RANBP17: variants seen among roughly 807,000 people sequenced by gnomAD.
The protein encoded by RANBP17 is ran-binding protein 17.
In RANBP17, 158 loss-of-function variants were observed where a neutral mutation model predicts 141.2. The observed-to-expected ratio is 1.12, with a 90% CI of 0.98 to 1.28. The LOEUF is 1.28. Ranked by LOEUF, RANBP17 falls within the 50% of genes most tolerant of loss-of-function variation. The pLI, the probability that RANBP17 is intolerant of heterozygous loss-of-function variation, is 0.00. For synonymous variants in RANBP17, 430 were observed against 450.0 expected (o/e 0.96, Z 0.56); for missense variants, 1,438 against 1,290.7 (o/e 1.11, Z -1.75).
rs1323194754 is a variant in RANBP17 at position 171,064,058 on chromosome 5, T to C, written c.1710+95681T>C. Among the ~76,000 whole-genome samples the C allele has an allele frequency of 2.6e-5, 4 of 152,368 alleles. No homozygotes were observed. The East Asian group carries it at 7.7e-4, about 29-fold the overall frequency. ...GGGAGTGACCCGATTTTCCAGGTGC[T>C]GTTTGTCACCCCTTTCTTTGACTAG... On this transcript the variant is annotated intron_variant, in intron 14 of 27. Transcript: ENST00000523189.
intron 13 of RANBP17, among the ~76,000 whole-genome samples, chr5:170,963,269 T>C (rs933469347): frequency 5.3e-5 from 8 of 152,148 alleles, no homozygotes; most frequent in Non-Finnish European, 8.8e-5. Flanking sequence ...AGCAACTGGG[T>C]AGGCATCTTT....
At chr5:171,268,428 C>T (rs773263756) in intron 25 of RANBP17, among the ~76,000 whole-genome samples, 13 of 152,182 alleles carry the variant, frequency 8.5e-5, no homozygotes, top group Middle Eastern at 3.4e-3. Context: ...GACTGAAAAG[C>T]GCAAGTTCTT....
At chr5:171,193,444 G>T (rs778674985) in intron 18 of RANBP17, among the ~76,000 whole-genome samples, 3 of 151,972 alleles carry the variant, frequency 2.0e-5, no homozygotes, top group Non-Finnish European at 2.9e-5. Context: ...AAAATGGGGG[G>T]TGGGGGTGGT....
chr5:171,176,546 G>C (rs1760494017), intron 16 of RANBP17, among the ~76,000 whole-genome samples: 1 of 152,158 alleles, frequency 6.6e-6, no homozygotes, highest in Non-Finnish European at 1.5e-5. Flanking sequence ...AATTGACACT[G>C]ATTGCAAACT....
At chr5:171,197,814 G>A (rs1170399196) in intron 18 of RANBP17, among the ~76,000 whole-genome samples, 6 of 152,132 alleles carry the variant, frequency 3.9e-5, no homozygotes, top group Non-Finnish European at 2.9e-5. Flanking sequence ...CGAGGCGGGC[G>A]GATCACGAGG....
chr5:171,027,594 A>G (rs1049916744), intron 14 of RANBP17, among the ~76,000 whole-genome samples: 1 of 152,022 alleles, frequency 6.6e-6, no homozygotes, highest in East Asian at 1.9e-4. Context: ...GGATCATATT[A>G]TAATTAATAA....
At chr5:171,090,187 C>A (rs1786131610) in intron 14 of RANBP17, among the ~76,000 whole-genome samples, 1 of 152,112 alleles carries the variant, frequency 6.6e-6, no homozygotes, top group South Asian at 2.1e-4. Context: ...ATGGCTTTGA[C>A]CAAAATGCTG....
intron 14 of RANBP17, among the ~76,000 whole-genome samples, chr5:171,158,073 T>C (rs1759031478): frequency 6.6e-6 from 1 of 152,254 alleles, no homozygotes; most frequent in South Asian, 2.1e-4. Context: ...TGAACAATTA[T>C]CTTATTTCTG....
chr5:171,046,254 G>T (rs1176740786), intron 14 of RANBP17, among the ~76,000 whole-genome samples: 1 of 148,806 alleles, frequency 6.7e-6, no homozygotes, highest in Non-Finnish European at 1.5e-5. Context: ...CACCAGGCTG[G>T]AATGAGTGCA....
At chr5:171,047,100 C>G (rs1035875618) in intron 14 of RANBP17, among the ~76,000 whole-genome samples, 22 of 147,836 alleles carry the variant, frequency 1.5e-4, no homozygotes, top group African/African-American at 5.5e-4. Context: ...TCACTGCATC[C>G]TCTGCCTCCA....
At chr5:171,291,377 G>A (rs1768485108) in intron 25 of RANBP17, among the ~76,000 whole-genome samples, 1 of 152,160 alleles carries the variant, frequency 6.6e-6, no homozygotes, top group African/African-American at 2.4e-5. Flanking sequence ...TAGACCTCCA[G>A]AAGCTGGGCA....
intron 14 of RANBP17, among the ~76,000 whole-genome samples, chr5:170,986,724 T>C (rs2127558742): frequency 6.6e-6 from 1 of 151,948 alleles, no homozygotes; most frequent in East Asian, 1.9e-4. Flanking sequence ...TAAATTGTTT[T>C]GTGTAATTAC....
intron 14 of RANBP17, among the ~76,000 whole-genome samples, chr5:171,069,022 C>G (rs1391389862): frequency 2.6e-5 from 4 of 152,142 alleles, no homozygotes; most frequent in Non-Finnish European, 5.9e-5. Flanking sequence ...TCACTGAGGT[C>G]TCTATTTCAT....
chr5:171,063,415 A>G (rs1784055264), intron 14 of RANBP17, among the ~76,000 whole-genome samples: 2 of 152,202 alleles, frequency 1.3e-5, no homozygotes, highest in African/African-American at 2.4e-5. Context: ...TGGAGTTTGC[A>G]AGAGGTCCAC....
chr5:170,931,504 T>A (rs989268798), intron 12 of RANBP17, among the ~76,000 whole-genome samples: 3 of 152,176 alleles, frequency 2.0e-5, no homozygotes, highest in African/African-American at 4.8e-5. Context: ...CTGAATGGTA[T>A]TGCTTAGGTT....
intron 14 of RANBP17, among the ~76,000 whole-genome samples, chr5:171,083,115 A>G (rs1785360852): frequency 6.6e-6 from 1 of 152,146 alleles, no homozygotes; most frequent in Non-Finnish European, 1.5e-5. Context: ...GTAAATATCA[A>G]AGGAATTCCC....
intron 24 of RANBP17, among the ~76,000 whole-genome samples, chr5:171,250,476 T>C (rs1765486092): frequency 6.6e-6 from 1 of 152,024 alleles, no homozygotes. Context: ...GGAACAAACC[T>C]TCACATATCA....
chr5:171,116,176 G>C (rs932359768), intron 14 of RANBP17, among the ~76,000 whole-genome samples: 36 of 152,110 alleles, frequency 2.4e-4, no homozygotes, highest in African/African-American at 8.4e-4. Flanking sequence ...AGTATACAAT[G>C]TATTGCTAAT....
intron 3 of RANBP17, among the ~76,000 whole-genome samples, chr5:170,882,172 C>T (rs549907895): frequency 7.2e-5 from 11 of 152,278 alleles, no homozygotes; most frequent in Admixed American, 3.3e-4. Flanking sequence ...CAACCTACGC[C>T]TCCTGGCGTA....
Sources: allele counts gnomAD v4.1 joint callset (sites outside exome capture counted in the v4.1 genomes callset), GRCh38; gene constraint gnomAD v4.1.1; transcripts MANE v1.5; gene names NCBI Gene and HGNC (gene_info 2026-07-23, HGNC 2026-07-21).